WDFY1: variants seen among roughly 807,000 people sequenced by gnomAD.
The protein encoded by WDFY1 is WD repeat and FYVE domain-containing protein 1.
In WDFY1, 32 loss-of-function variants were observed where a neutral mutation model predicts 56.4. The ratio of observed to expected loss-of-function variants is 0.57; its 90% CI spans 0.43 to 0.76. The LOEUF is 0.76. WDFY1 is among the 30% of genes least tolerant of loss of function. The probability of loss-of-function intolerance (pLI) is 0.00; values close to 1 mark genes in which losing one functional copy is unlikely to be tolerated. For synonymous variants in WDFY1, 192 were observed against 197.3 expected (o/e 0.97, Z 0.23); for missense variants, 480 against 545.7 (o/e 0.88, Z 1.20).
At position 223,912,317 on chromosome 2, in the gene WDFY1, G is replaced by A. The variant is rs749923639; in HGVS notation, c.215C>T (p.Ser72Phe). ...SIYHTMASPC[S>F]AMAYHHDSRR... is the part of the protein sequence containing the mutation. ...GCTGTCATGATGGTAAGCCATAGCA[G>A]AGCAAGGAGCTGCCAGAAAGACAAA... Residue 72 changes from serine (S) to phenylalanine (F), a missense_variant, in exon 3 of 12, where the codon TCT (serine) becomes TTT (phenylalanine). Transcript: ENST00000233055. 6.2e-7 allele frequency: 1 copy of A among 1,603,336 alleles called. No individual in the cohort carries two copies. Among genetic ancestry groups the A allele is most frequent in the Non-Finnish European group, 8.5e-7 (1 of 1,177,248 alleles).
intron 8 of WDFY1, among the ~76,000 whole-genome samples, chr2:223,886,491 A>G (rs1415931813): frequency 6.6e-6 from 1 of 151,936 alleles, no homozygotes; most frequent in Non-Finnish European, 1.5e-5. Context: ...TTGGGAGGCC[A>G]AGGCAGGCGG....
chr2:223,927,186 C>A (rs1355958122), intron 1 of WDFY1, among the ~76,000 whole-genome samples: 1 of 152,166 alleles, frequency 6.6e-6, no homozygotes, highest in Non-Finnish European at 1.5e-5. Context: ...CTTAAAGTTA[C>A]CAGCTGCATT....
chr2:223,888,586 ATT>A (rs71058954), intron 8 of WDFY1, among the ~76,000 whole-genome samples: 6 of 131,392 alleles, frequency 4.6e-5, no homozygotes, highest in East Asian at 2.2e-4. Context: ...TAAATTCTCA[ATT>A]TTTTTTTTTT....
chr2:223,893,754 C>T (rs1693316803), intron 8 of WDFY1, among the ~76,000 whole-genome samples: 1 of 152,140 alleles, frequency 6.6e-6, no homozygotes, highest in Non-Finnish European at 1.5e-5. Flanking sequence ...GTCGACATGG[C>T]CTCAGTGAAC....
At chr2:223,893,589 G>A (rs1189425075) in intron 8 of WDFY1, among the ~76,000 whole-genome samples, 1 of 151,790 alleles carries the variant, frequency 6.6e-6, no homozygotes, top group African/African-American at 2.4e-5. Context: ...CTAAAGAACT[G>A]GAAGACAACT....
intron 6 of WDFY1, 53 bp from the exon 7 acceptor site, chr2:223,895,683 T>C: frequency 6.3e-7 from 1 of 1,599,534 alleles, no homozygotes; most frequent in Non-Finnish European, 8.5e-7. Context: ...AAGTAAAATA[T>C]AACTCTACAT....
intron 6 of WDFY1, 91 bp downstream of exon 6, chr2:223,898,867 G>A: frequency 1.1e-6 from 1 of 943,982 alleles, no homozygotes; most frequent in Middle Eastern, 2.3e-4. Flanking sequence ...AGATCATGAG[G>A]AACACAGCAT....
At chr2:223,940,882 G>T (rs1689292869) in intron 1 of WDFY1, among the ~76,000 whole-genome samples, 1 of 151,982 alleles carries the variant, frequency 6.6e-6, no homozygotes, top group Non-Finnish European at 1.5e-5. Context: ...GAGGGCAATG[G>T]CATGATCTCG....
At chr2:223,910,660 A>C (rs1273255503) in intron 3 of WDFY1, among the ~76,000 whole-genome samples, 1 of 152,130 alleles carries the variant, frequency 6.6e-6, no homozygotes, top group Non-Finnish European at 1.5e-5. Flanking sequence ...CCTCAACATC[A>C]CTAGTCATTA....
At chr2:223,894,520 C>T (rs1360127616) in intron 7 of WDFY1, 181 bp from the exon 8 acceptor site, 3 of 601,402 alleles carry the variant, frequency 5.0e-6, no homozygotes, top group Non-Finnish European at 8.9e-6. Context: ...ACTCATAATA[C>T]AGAATGATAC....
At position 223,877,607 on chromosome 2, in the gene WDFY1, G is replaced by A. The variant is rs1692992339; in HGVS notation, c.*1064C>T. On this transcript the variant is annotated 3_prime_UTR_variant, in exon 12 of 12. Coordinates refer to ENST00000233055, the MANE Select transcript of WDFY1 (RefSeq NM_020830.5). ...AATTTATGAGTTGGGAATTATTGTG[G>A]AAGACTTGATGGATGATTATAGCTC... 1 of 152,240 alleles carries A rather than the reference G, an allele frequency of 6.6e-6. No individual in the cohort carries two copies. The allele number at this position is 152,240 out of a possible 1,614,324, so 9.4% of individuals were successfully genotyped here. A position where few individuals can be genotyped will look rare whatever the true frequency, so the allele number is the denominator to read the frequency against.
In WDFY1 at chr2:223,918,009, T is replaced by C; in HGVS notation, c.139A>G (p.Thr47Ala). ...DGVITASEDRTIRVWLKRDSG... is the reference protein window; with the variant it reads ...DGVITASEDRAIRVWLKRDSG... ...TCTCTTTTCAGCCATACCCGGATGG[T>C]TCTGTGGAGAAAAGAAAAGAAAAAA... The change falls in exon 2 of 12, where the codon ACC becomes GCC. Residue 47 changes from threonine to alanine, a missense_variant and splice_region_variant. Transcript: ENST00000233055. 1 of 1,613,792 alleles carries C rather than the reference T, an allele frequency of 6.2e-7. No individual in the cohort carries two copies. Among genetic ancestry groups the C allele is most frequent in the South Asian group, 1.1e-5 (1 of 90,966 alleles).
chr2:223,896,595 C>T (rs1693385093), intron 6 of WDFY1, among the ~76,000 whole-genome samples: 1 of 152,188 alleles, frequency 6.6e-6, no homozygotes, highest in Admixed American at 6.5e-5. Flanking sequence ...TTTCCTTGTT[C>T]ATCGACTGCT....
At chr2:223,926,987 A>G (rs774358561) in intron 1 of WDFY1, among the ~76,000 whole-genome samples, 29 of 152,288 alleles carry the variant, frequency 1.9e-4, no homozygotes, top group Non-Finnish European at 2.9e-4. Flanking sequence ...TAATATTTTG[A>G]AAGGAATCTT....
At chr2:223,945,046 G>C (rs1363344355) in intron 1 of WDFY1, 102 bp downstream of exon 1, 3 of 1,356,198 alleles carry the variant, frequency 2.2e-6, no homozygotes, top group Non-Finnish European at 2.9e-6. Flanking sequence ...CGTGCTGCCG[G>C]GGGAGCCCCC....
At chr2:223,881,893 TAGAC>T (rs775847033) in intron 10 of WDFY1, 45 bp downstream of exon 10, 35 of 1,604,114 alleles carry the variant, frequency 2.2e-5, no homozygotes, top group Non-Finnish European at 3.0e-5. Flanking sequence ...AGAGAACCAT[TAGAC>T]AGATGTAATA....
chr2:223,910,331 T>C (rs558538350), intron 3 of WDFY1, among the ~76,000 whole-genome samples: 6 of 152,078 alleles, frequency 3.9e-5, no homozygotes, highest in Admixed American at 3.3e-4. Flanking sequence ...TAAATCTTGA[T>C]TTACACCTAT....
rs553171658 is a variant in WDFY1 at position 223,945,228 on chromosome 2, C to T, written c.57G>A (p.Lys19=). 1 of 1,597,710 alleles carries T rather than the reference C, an allele frequency of 6.3e-7. No homozygotes were observed. The highest frequency in any genetic ancestry group is 2.3e-5 in the East Asian group (1 of 42,918). ...TGACGGCGTCCTGGTGCCCCTCGAT[C>T]TTGCTCAGCAGCACCGGGCGGCTGC... ...PQSSRPVLLS[K]IEGHQDAVTA... Residue 19 remains lysine, a synonymous_variant, in exon 1 of 12, where the codon AAG becomes AAA. Coordinates refer to ENST00000233055, the MANE Select transcript of WDFY1 (RefSeq NM_020830.5).
At chr2:223,930,855 G>A (rs746880222) in intron 1 of WDFY1, among the ~76,000 whole-genome samples, 1 of 152,200 alleles carries the variant, frequency 6.6e-6, no homozygotes, top group East Asian at 1.9e-4. Flanking sequence ...CTCACTCCCA[G>A]GCATGAGAAA....
Sources: allele counts gnomAD v4.1 joint callset (sites outside exome capture counted in the v4.1 genomes callset), GRCh38; gene constraint gnomAD v4.1.1; transcripts MANE v1.5; gene names NCBI Gene and HGNC (gene_info 2026-07-23, HGNC 2026-07-21).